FRMD4A: variants seen among roughly 807,000 people sequenced by gnomAD.
FRMD4A encodes FERM domain containing 4A.
FRMD4A carries 29 observed loss-of-function variants against 129.1 expected under a neutral mutation model. The ratio of observed to expected loss-of-function variants is 0.22; its 90% CI spans 0.17 to 0.31. The LOEUF is 0.31. FRMD4A is among the 10% of genes least tolerant of loss of function. FRMD4A has a pLI of 1.00. For synonymous variants in FRMD4A, 634 were observed against 571.6 expected (o/e 1.11, Z -1.56); for missense variants, 1,272 against 1,375.8 (o/e 0.92, Z 1.19).
chr10:13,795,423 A>G (rs1327174655), intron 5 of FRMD4A, among the ~76,000 whole-genome samples: 4 of 152,182 alleles, frequency 2.6e-5, no homozygotes, highest in African/African-American at 4.8e-5. Context: ...AAAGTCATAC[A>G]CTCGAGCCTG....
intron 2 of FRMD4A, among the ~76,000 whole-genome samples, chr10:13,938,832 C>A (rs1426998763): frequency 6.6e-6 from 1 of 151,216 alleles, no homozygotes; most frequent in Non-Finnish European, 1.5e-5. Flanking sequence ...ATGCCCAGAG[C>A]AACACCGTCC....
intron 6 of FRMD4A, among the ~76,000 whole-genome samples, chr10:13,769,238 TGC>T (rs1554888226): frequency 1.3e-4 from 19 of 148,246 alleles, no homozygotes; most frequent in African/African-American, 4.3e-4. Flanking sequence ...TGTGTGTGTG[TGC>T]GTATGTGTGT....
intron 2 of FRMD4A, among the ~76,000 whole-genome samples, chr10:14,314,219 C>T (rs1846654490): frequency 6.6e-6 from 1 of 152,188 alleles, no homozygotes; most frequent in African/African-American, 2.4e-5. Context: ...TAACCTAACA[C>T]TTTTGCCACC....
chr10:13,866,789 T>C (rs2094373165), intron 2 of FRMD4A, among the ~76,000 whole-genome samples: 1 of 152,070 alleles, frequency 6.6e-6, no homozygotes, highest in African/African-American at 2.4e-5. Flanking sequence ...TCTTCTCTAC[T>C]AAAAATACAA....
At chr10:13,782,873 A>G (rs1308886711) in intron 6 of FRMD4A, 49 bp downstream of exon 6, 1 of 852,916 alleles carries the variant, frequency 1.2e-6, no homozygotes. Context: ...CCAGCTTCAA[A>G]TGATACTTTC....
intron 2 of FRMD4A, among the ~76,000 whole-genome samples, chr10:14,207,686 C>CCACA (rs56740311): frequency 0.049 from 7,080 of 145,828 alleles, 263 homozygotes; most frequent in African/African-American, 0.1. Context: ...TCCTAGGTAA[C>CCACA]CACACACACA....
intron 12 of FRMD4A, among the ~76,000 whole-genome samples, chr10:13,735,777 T>C (rs963209783): frequency 2.6e-5 from 4 of 152,208 alleles, no homozygotes; most frequent in Non-Finnish European, 4.4e-5. Flanking sequence ...GAGAGCTCAA[T>C]GTATTGCAGC....
chr10:13,799,058 C>T lies in FRMD4A; in HGVS notation c.207-2470G>A, dbSNP rs371229671. ...CGGGTGGGATGGGGGGGTCCTCCTC[C>T]GACCCTTACAGCACCCACCCTAGGG... is the stretch of plus-strand genomic sequence containing the variant. On this transcript the variant is annotated intron_variant, in intron 4 of 24. Transcript: ENST00000357447. 6.3e-4 allele frequency among the ~76,000 whole-genome samples: 96 copies of T among 152,332 alleles called. 1 individual carries two copies. In the East Asian group the frequency reaches 0.012, roughly 19 times the overall value.
intron 6 of FRMD4A, among the ~76,000 whole-genome samples, chr10:13,775,090 G>A (rs553928406): frequency 2.0e-3 from 302 of 152,290 alleles, no homozygotes; most frequent in African/African-American, 6.9e-3. Flanking sequence ...ACAAGTATAG[G>A]AGTGGGAGGC....
intron 2 of FRMD4A, among the ~76,000 whole-genome samples, chr10:13,969,991 T>C (rs1326989052): frequency 6.6e-6 from 1 of 152,212 alleles, no homozygotes; most frequent in Non-Finnish European, 1.5e-5. Flanking sequence ...TTGGGGACTT[T>C]TGACTCTAAA....
At chr10:14,329,247 G>A (rs941991359) in intron 2 of FRMD4A, among the ~76,000 whole-genome samples, 3 of 152,170 alleles carry the variant, frequency 2.0e-5, no homozygotes, top group African/African-American at 7.2e-5. Flanking sequence ...CCTGATGCAG[G>A]CTACTTCCGA....
intron 12 of FRMD4A, among the ~76,000 whole-genome samples, chr10:13,731,764 T>C (rs2090338564): frequency 6.6e-6 from 1 of 151,170 alleles, no homozygotes; most frequent in Non-Finnish European, 1.5e-5. Context: ...CTGGGGGAGG[T>C]GCATGCATTG....
intron 5 of FRMD4A, among the ~76,000 whole-genome samples, chr10:13,789,475 C>G (rs1231788972): frequency 1.3e-5 from 2 of 151,870 alleles, no homozygotes; most frequent in East Asian, 3.9e-4. Flanking sequence ...AACTACAGGA[C>G]ACTTGGTAGA....
intron 12 of FRMD4A, among the ~76,000 whole-genome samples, chr10:13,722,093 C>T (rs778505232): frequency 2.6e-5 from 4 of 152,150 alleles, no homozygotes; most frequent in African/African-American, 4.8e-5. Context: ...CAGCAGATGC[C>T]AGGGTACACC....
At chr10:14,240,535 C>T (rs963986881) in intron 2 of FRMD4A, among the ~76,000 whole-genome samples, 1 of 152,140 alleles carries the variant, frequency 6.6e-6, no homozygotes, top group South Asian at 2.1e-4. Flanking sequence ...GGCTACGGGC[C>T]ATTTCTGGTC....
intron 2 of FRMD4A, among the ~76,000 whole-genome samples, chr10:14,205,570 G>T (rs1017159930): frequency 6.6e-6 from 1 of 152,092 alleles, no homozygotes; most frequent in Non-Finnish European, 1.5e-5. Flanking sequence ...ACTTTGGGAG[G>T]CCGAGGTGGG....
At chr10:13,994,691 C>T (rs2095616310) in intron 2 of FRMD4A, among the ~76,000 whole-genome samples, 1 of 152,242 alleles carries the variant, frequency 6.6e-6, no homozygotes, top group Admixed American at 6.5e-5. Context: ...TCCTCTCTCA[C>T]ATACACACAT....
intron 2 of FRMD4A, among the ~76,000 whole-genome samples, chr10:14,274,139 G>A (rs781607599): frequency 1.3e-5 from 2 of 152,230 alleles, no homozygotes. Context: ...AGGCCTGGAG[G>A]AAGGGCTGGG....
At chr10:14,184,125 C>CTTTTTTTTTTTTTTTTTTTTTTTTTTTT (rs58858936) in intron 2 of FRMD4A, among the ~76,000 whole-genome samples, 2 of 64,640 alleles carry the variant, frequency 3.1e-5, no homozygotes, top group Non-Finnish European at 5.6e-5. Flanking sequence ...CTTTTCTTTT[C>CTTTTTTTTTTTTTTTTTTTTTTTTTTTT]TTTTTTTTTT....
Sources: allele counts gnomAD v4.1 joint callset (sites outside exome capture counted in the v4.1 genomes callset), GRCh38; gene constraint gnomAD v4.1.1; transcripts MANE v1.5; gene names NCBI Gene and HGNC (gene_info 2026-07-23, HGNC 2026-07-21).